Variants in RCOR1 observed in about 807,000 individuals in gnomAD.
RCOR1 encodes the protein REST corepressor 1.
In RCOR1, 12 loss-of-function variants were observed where a neutral mutation model predicts 64.0. The observed-to-expected ratio is 0.19, with a 90% CI of 0.12 to 0.30. The LOEUF (loss-of-function observed/expected upper bound fraction) is 0.30. Among genes scored for constraint, RCOR1 ranks in the 10% least tolerant of loss-of-function variants. The pLI is 1.00. For synonymous variants in RCOR1, 279 were observed against 227.2 expected, an observed-to-expected ratio of 1.23 and a Z score of -2.05; for missense variants, 502 against 621.2, an observed-to-expected ratio of 0.81 and a Z score of 2.04.
chr14:102,641,348 C>T (rs1370307034), intron 2 of RCOR1, among the ~76,000 whole-genome samples: 1 of 152,100 alleles, frequency 6.6e-6, no homozygotes, highest in African/African-American at 2.4e-5. Context: ...ACCTGTAGTC[C>T]TAGCACTTTT....
chr14:102,726,395 C>T (rs998831766), intron 11 of RCOR1, 73 bp from the exon 12 acceptor site: 2 of 1,349,848 alleles, frequency 1.5e-6, no homozygotes, highest in East Asian at 2.3e-5. Flanking sequence ...CTTTTCAGTA[C>T]ACTGGAAATA....
intron 2 of RCOR1, among the ~76,000 whole-genome samples, chr14:102,601,188 CA>C (rs553481539): frequency 1.0e-4 from 15 of 145,384 alleles, no homozygotes; most frequent in East Asian, 2.1e-4. Context: ...GACTCTGTCT[CA>C]AAAAAAAAAG....
chr14:102,718,619 C>G (rs1896114768), intron 8 of RCOR1, among the ~76,000 whole-genome samples: 1 of 152,272 alleles, frequency 6.6e-6, no homozygotes, highest in East Asian at 1.9e-4. Flanking sequence ...GGCGTCAGGA[C>G]AAGTGGATGG....
In RCOR1 at chr14:102,638,690, C is replaced by T. The variant is rs531430093; in HGVS notation, c.362-43205C>T. ...CTTTTCTTTTCTTTTTTTCTTGAGA[C>T]GGAGTCTTGCTATGTTGTCCAGGCT... On this transcript the variant is annotated intron_variant, in intron 2 of 11. Transcript: ENST00000262241. Among the ~76,000 whole-genome samples, 26 of 151,590 alleles carry T rather than the reference C, an allele frequency of 1.7e-4. No homozygotes were observed. In the Middle Eastern group the frequency reaches 0.01, roughly 59 times the overall value.
At chr14:102,665,581 G>GTAGGC (rs1356937271) in intron 2 of RCOR1, among the ~76,000 whole-genome samples, 2 of 152,102 alleles carry the variant, frequency 1.3e-5, no homozygotes, top group Non-Finnish European at 2.9e-5. Flanking sequence ...CCCATGCAAG[G>GTAGGC]TAGGCATTAT....
intron 2 of RCOR1, 137 bp from the exon 3 acceptor site, chr14:102,681,758 A>T (rs1895308424): frequency 6.8e-6 from 4 of 585,170 alleles, no homozygotes; most frequent in Admixed American, 2.8e-5. Flanking sequence ...CTCCATCCTC[A>T]CTCTGATGTT....
chr14:102,709,604 G>A (rs1334525025), intron 6 of RCOR1, among the ~76,000 whole-genome samples: 1 of 152,074 alleles, frequency 6.6e-6, no homozygotes, highest in Non-Finnish European at 1.5e-5. Context: ...TAAATTGAGA[G>A]TGATGTTAAG....
At chr14:102,682,116 T>A (rs945028061) in intron 3 of RCOR1, 138 bp downstream of exon 3, 2 of 540,618 alleles carry the variant, frequency 3.7e-6, no homozygotes, top group Non-Finnish European at 6.3e-6. Flanking sequence ...TTTTAAAGTG[T>A]ATATTTCTTT....
At chr14:102,613,746 G>A (rs868828436) in intron 2 of RCOR1, among the ~76,000 whole-genome samples, 1 of 150,576 alleles carries the variant, frequency 6.6e-6, no homozygotes, top group Non-Finnish European at 1.5e-5. Flanking sequence ...TTAAAGAGGT[G>A]GAGTATAACT....
chr14:102,625,242 T>G lies in RCOR1; in HGVS notation c.361+31917T>G, dbSNP rs1186386091. Among the ~76,000 whole-genome samples, 29 of 144,836 alleles carry G rather than the reference T, an allele frequency of 2.0e-4. No individual in the cohort carries two copies. In the Admixed American group the frequency reaches 2.0e-3, roughly 10 times the overall value. On this transcript the variant is annotated intron_variant, in intron 2 of 11. Coordinates refer to ENST00000262241, the MANE Select transcript of RCOR1 (RefSeq NM_015156.4). ...GGTCTATCTTGTTACTTTTTTTTTTTTTTTTTTTTTTTTGAGGCAGAGTTT... is the reference window on the plus strand; with the variant it reads ...GGTCTATCTTGTTACTTTTTTTTTTGTTTTTTTTTTTTTGAGGCAGAGTTT...
Position 102,646,608 on chromosome 14 carries a change from C to T in RCOR1, c.362-35287C>T, listed in dbSNP as rs980366095. Among the ~76,000 whole-genome samples the T allele has an allele frequency of 2.6e-5, 4 of 152,170 alleles. No individual in the cohort carries two copies. The East Asian group carries it at 7.7e-4, about 29-fold the overall frequency. ...GCAAAGACAGACAAAAAGAGAAAGA[C>T]AATGCCTGATTGGCTTCTTGACTGA... On this transcript the variant is annotated intron_variant, in intron 2 of 11. Transcript: ENST00000262241.
chr14:102,724,039 A>C (rs1896215705), intron 11 of RCOR1, among the ~76,000 whole-genome samples: 1 of 151,124 alleles, frequency 6.6e-6, no homozygotes, highest in South Asian at 2.1e-4. Context: ...TTTTTTTTTT[A>C]ACCTTGTTAT....
At chr14:102,593,224 G>T (rs372553005) in intron 1 of RCOR1, 37 bp downstream of exon 1, 444 of 1,480,076 alleles carry the variant, frequency 3.0e-4, no homozygotes, top group Non-Finnish European at 3.6e-4. Context: ...CGGGCCCCGC[G>T]CCCCGCGCCG....
intron 3 of RCOR1, among the ~76,000 whole-genome samples, chr14:102,683,913 G>A (rs1895357980): frequency 6.6e-6 from 1 of 152,228 alleles, no homozygotes; most frequent in African/African-American, 2.4e-5. Context: ...CCCTCCTGCT[G>A]TGGAGCAGCA....
At chr14:102,691,239 C>G (rs139806351) in intron 3 of RCOR1, among the ~76,000 whole-genome samples, 1,580 of 152,142 alleles carry the variant, frequency 0.01, 18 homozygotes, top group Non-Finnish European at 0.013. Flanking sequence ...TTCTCACTTA[C>G]AAGTGGGAGC....
At chr14:102,667,750 C>T (rs888958462) in intron 2 of RCOR1, among the ~76,000 whole-genome samples, 1 of 151,618 alleles carries the variant, frequency 6.6e-6, no homozygotes, top group Non-Finnish European at 1.5e-5. Flanking sequence ...TGTGTGTGCT[C>T]GAGTGCTAGT....
rs71119732 is a variant in RCOR1 at position 102,706,114 on chromosome 14, C to CAAAAAAAAA, written c.499-1217_499-1209dup. ...GGGCAAGGAGAGTGAAACCCTGTCT[C>CAAAAAAAAA]AAAAAAAAAAAAAAAAAAAAAAAAA... On this transcript the variant is annotated intron_variant, in intron 4 of 11. Coordinates refer to ENST00000262241, the MANE Select transcript of RCOR1 (RefSeq NM_015156.4). Among the ~76,000 whole-genome samples, 212 of 21,348 alleles carry CAAAAAAAAA rather than the reference C, an allele frequency of 9.9e-3. 10 individuals carry two copies. Among genetic ancestry groups the CAAAAAAAAA allele is most frequent in the Middle Eastern group, 0.091 (2 of 22 alleles). 14.0% of individuals were successfully genotyped at this position (21,348 alleles called of 152,430 possible).
intron 2 of RCOR1, among the ~76,000 whole-genome samples, chr14:102,619,632 C>A (rs1260837334): frequency 6.6e-6 from 1 of 152,000 alleles, no homozygotes; most frequent in African/African-American, 2.4e-5. Context: ...AGATGTGTGC[C>A]ACCATGCCTG....
chr14:102,599,971 A>C (rs2139878455), intron 2 of RCOR1, among the ~76,000 whole-genome samples: 1 of 152,242 alleles, frequency 6.6e-6, no homozygotes, highest in East Asian at 1.9e-4. Flanking sequence ...GCTTGAGCCC[A>C]GGCTGGTCTC....
Sources: allele counts gnomAD v4.1 joint callset (sites outside exome capture counted in the v4.1 genomes callset), GRCh38; gene constraint gnomAD v4.1.1; transcripts MANE v1.5; gene names NCBI Gene and HGNC (gene_info 2026-07-23, HGNC 2026-07-21).